Variants in CRHR1 observed in about 807,000 individuals in gnomAD.
CRHR1 encodes the protein corticotropin-releasing hormone receptor 1.
Under a neutral mutation model 56.0 loss-of-function variants are expected in CRHR1, and 28 were observed. The observed-to-expected ratio is 0.50, with a 90% CI of 0.37 to 0.69. CRHR1 has a LOEUF of 0.69. Ranked by LOEUF, CRHR1 falls within the 30% of genes least tolerant of loss-of-function variation. The pLI, the probability that CRHR1 is intolerant of heterozygous loss-of-function variation, is 0.00. For missense variants in CRHR1, 376 were observed against 548.0 expected, an observed-to-expected ratio of 0.69 and a Z score of 3.13; for synonymous variants, 195 against 216.5, an observed-to-expected ratio of 0.90 and a Z score of 0.87.
intron 4 of CRHR1, among the ~76,000 whole-genome samples, chr17:45,823,799 G>A (rs1041632493): frequency 2.6e-5 from 4 of 152,226 alleles, no homozygotes; most frequent in African/African-American, 9.6e-5. Context: ...TCAAGTCACT[G>A]AGCTAATGCG....
At position 45,830,169 on chromosome 17, in the gene CRHR1, C is replaced by T; in HGVS notation, c.510C>T (p.Phe170=). The change falls in exon 6 of 13, where the codon TTC becomes TTT. Residue 170 remains phenylalanine (F), a synonymous_variant. Coordinates refer to ENST00000314537, the MANE Select transcript of CRHR1 (RefSeq NM_004382.5). ...TCATCCTGCGCAACGCCACCTGGTTCGTGGTCCAGCTAACCATGAGCCCCG... is the reference window on the plus strand; with the variant it reads ...TCATCCTGCGCAACGCCACCTGGTTTGTGGTCCAGCTAACCATGAGCCCCG... The part of the protein sequence containing the change: ...SAFILRNATW[F]VVQLTMSPEV... 5 of 1,614,166 alleles carry T rather than the reference C, an allele frequency of 3.1e-6. No homozygotes were observed. The highest frequency in any genetic ancestry group is 1.7e-5 in the Admixed American group (1 of 60,020).
chr17:45,804,590 A>T (rs2061686297), intron 1 of CRHR1, among the ~76,000 whole-genome samples: 1 of 152,042 alleles, frequency 6.6e-6, no homozygotes, highest in South Asian at 2.1e-4. Flanking sequence ...GCAGGTGAAC[A>T]TGGAAAAGGC....
chr17:45,835,752 G>A lies in CRHR1; in HGVS notation c.*988G>A, dbSNP rs2062424230. ...GACTGGACAGCCAGGGCAGGGCTTT[G>A]GGGGGCACTAGAAGATGAGGGTGTC... On this transcript the variant is annotated 3_prime_UTR_variant, in exon 13 of 13. Coordinates refer to ENST00000314537, the MANE Select transcript of CRHR1 (RefSeq NM_004382.5). 6.6e-6 allele frequency: 1 copy of A among 152,362 alleles called. No homozygotes were observed. Among genetic ancestry groups the A allele is most frequent in the Admixed American group, 6.5e-5 (1 of 15,288 alleles). 9.4% of individuals were successfully genotyped at this position (152,362 alleles called of 1,614,324 possible).
At chr17:45,788,291 A>G (rs2061369174) in intron 1 of CRHR1, among the ~76,000 whole-genome samples, 1 of 152,208 alleles carries the variant, frequency 6.6e-6, no homozygotes, top group African/African-American at 2.4e-5. Flanking sequence ...GATGACAGGT[A>G]GGTCACCTTC....
chr17:45,784,713 G>C lies in CRHR1; in HGVS notation c.33+136G>C. The C allele has an allele frequency of 4.4e-6, 4 of 900,878 alleles. No homozygotes were observed. In the South Asian group the frequency reaches 7.1e-5, roughly 16 times the overall value. 55.8% of individuals were successfully genotyped at this position (900,878 alleles called of 1,614,324 possible). A position where few individuals can be genotyped will look rare whatever the true frequency, so the allele number is the denominator to read the frequency against. On this transcript the variant is annotated intron_variant, in intron 1 of 12. Transcript: ENST00000314537. The surrounding 1 kb of genome is among the most constrained non-coding windows in gnomAD (Gnocchi z 4.2). ...CTTAGGTCGGGGAAGGCTGGGCTCC[G>C]GGGCAGCCTAACTCTCTGGACCTTT...
rs371764141 is a variant in CRHR1, at chr17:45,822,687, C to G, written c.327+1247C>G. 8.9e-4 allele frequency among the ~76,000 whole-genome samples: 136 copies of G among 152,272 alleles called. 1 individual carries two copies. Among genetic ancestry groups the G allele is most frequent in the African/African-American group, 3.2e-3 (132 of 41,544 alleles). On this transcript the variant is annotated intron_variant, in intron 4 of 12. Transcript: ENST00000314537. ...CCAACATGGTGAAACCCCATCTCTA[C>G]TAAAAATACAAAATTAGCCGGGTGT...
At chr17:45,797,748 G>A (rs1432333275) in intron 1 of CRHR1, among the ~76,000 whole-genome samples, 1 of 152,108 alleles carries the variant, frequency 6.6e-6, no homozygotes, top group Non-Finnish European at 1.5e-5. Flanking sequence ...ATTCCAACAA[G>A]CATCTCTCCA....
chr17:45,805,709 G>T (rs1190257082), intron 1 of CRHR1, among the ~76,000 whole-genome samples: 1 of 152,212 alleles, frequency 6.6e-6, no homozygotes, highest in East Asian at 1.9e-4. Context: ...TGGTGGCCGG[G>T]CACCCAGCTC....
At chr17:45,802,874 C>T (rs778476906) in intron 1 of CRHR1, among the ~76,000 whole-genome samples, 2 of 152,188 alleles carry the variant, frequency 1.3e-5, no homozygotes, top group East Asian at 3.8e-4. Flanking sequence ...AGAATAAGAA[C>T]TTATAGCCTG....
chr17:45,815,084 G>T (rs1461844085), intron 2 of CRHR1, among the ~76,000 whole-genome samples: 2 of 152,266 alleles, frequency 1.3e-5, no homozygotes, highest in African/African-American at 4.8e-5. Context: ...GGGAGGAGAT[G>T]GCAGGCAGCC....
intron 1 of CRHR1, among the ~76,000 whole-genome samples, chr17:45,796,347 G>A (rs967644947): frequency 2.6e-5 from 4 of 152,070 alleles, no homozygotes; most frequent in Non-Finnish European, 5.9e-5. Flanking sequence ...AGCCCTTCCT[G>A]AGTCCCATCC....
intron 1 of CRHR1, among the ~76,000 whole-genome samples, chr17:45,804,292 T>C (rs2146300339): frequency 6.6e-6 from 1 of 152,232 alleles, no homozygotes. Context: ...ACCTGGAGCT[T>C]GGTCCAGGGC....
chr17:45,829,622 A>G (rs1162351161), intron 5 of CRHR1: 1 of 1,550,692 alleles, frequency 6.4e-7, no homozygotes, highest in East Asian at 2.4e-5. Context: ...GGCTCCATGG[A>G]GTGGTGCCCC....
chr17:45,822,849 T>TAA (rs56284150), intron 4 of CRHR1, among the ~76,000 whole-genome samples: 21,235 of 131,174 alleles, frequency 0.16, 2,050 homozygotes, highest in Middle Eastern at 0.27. Flanking sequence ...GAAATTCCAT[T>TAA]AAAAAAAAAA....
intron 2 of CRHR1, among the ~76,000 whole-genome samples, chr17:45,809,116 G>C (rs1429363065): frequency 6.6e-6 from 1 of 152,222 alleles, no homozygotes; most frequent in African/African-American, 2.4e-5. Flanking sequence ...TGGCAGAAGA[G>C]AGCCAGTGCT....
At chr17:45,825,642 TC>T (rs1177562063) in intron 4 of CRHR1, 1 of 154,436 alleles carries the variant, frequency 6.5e-6, no homozygotes, top group Non-Finnish European at 1.5e-5. Context: ...AGGTGCTTTT[TC>T]CTAAAACCAA....
rs199761678 is a variant in CRHR1, at chr17:45,834,602, G to A, written c.1108-22G>A. On this transcript the variant is annotated intron_variant, in intron 12 of 12. Coordinates refer to ENST00000314537, the MANE Select transcript of CRHR1 (RefSeq NM_004382.5). ...GTCCTGAGCCACAGGCTCAGATGTC[G>A]TGCTCCTCCCTGTGCCCACAGGTCC... 4.4e-4 allele frequency: 702 copies of A among 1,596,936 alleles called. 5 individuals carry two copies. In the Middle Eastern group the frequency reaches 0.011, roughly 25 times the overall value.
chr17:45,784,524 G>A lies in CRHR1; in HGVS notation c.-21G>A, dbSNP rs574442468. ...TCCGTAGGACCCGGGCATTCAGGAC[G>A]GTAGCCGAGCGAGCCCGAGGATGGG... On this transcript the variant is annotated 5_prime_UTR_variant, in exon 1 of 13. Coordinates refer to ENST00000314537, the MANE Select transcript of CRHR1 (RefSeq NM_004382.5). This position sits in a 1 kb window ranked among gnomAD's most constrained non-coding sequence, Gnocchi z 4.2. 9.1e-6 allele frequency: 14 copies of A among 1,544,250 alleles called. No homozygotes were observed. Among genetic ancestry groups the A allele is most frequent in the South Asian group, 8.4e-5 (7 of 83,610 alleles).
intron 1 of CRHR1, among the ~76,000 whole-genome samples, chr17:45,786,794 C>G (rs2061344874): frequency 6.6e-6 from 1 of 152,050 alleles, no homozygotes; most frequent in Non-Finnish European, 1.5e-5. Flanking sequence ...GCATGCACCA[C>G]CACACCCAGC....
Sources: gnomAD v4.1 joint callset for allele counts (sites outside exome capture counted in the v4.1 genomes callset) on GRCh38, gnomAD v4.1.1 for gene constraint, Gnocchi (gnomAD v3.1) non-coding constraint, MANE v1.5 for transcripts, NCBI Gene and HGNC (gene_info 2026-07-23, HGNC 2026-07-21) for gene names.